Variants in CFAP300 observed in about 807,000 individuals in gnomAD.
The protein encoded by CFAP300 is cilia and flagella associated protein 300.
A neutral mutation model predicts 33.0 loss-of-function variants in CFAP300; 32 were observed. The observed-to-expected ratio is 0.97, with a 90% CI of 0.73 to 1.30. CFAP300 has a LOEUF of 1.30. CFAP300 is among the 50% of genes most tolerant of loss of function. CFAP300 has a pLI of 0.00. For synonymous variants in CFAP300, 102 were observed against 106.8 expected (o/e 0.95, Z 0.28); for missense variants, 356 against 318.1 (o/e 1.12, Z -0.90).
At chr11:102,055,127 C>T (rs569018745) in intron 2 of CFAP300, among the ~76,000 whole-genome samples, 8 of 151,384 alleles carry the variant, frequency 5.3e-5, no homozygotes, top group African/African-American at 1.5e-4. Context: ...ATTACAGGCA[C>T]GTGCCACCAC....
chr11:102,083,099 C>G lies in CFAP300; in HGVS notation c.704C>G (p.Ala235Gly). The G allele has an allele frequency of 1.3e-6, 2 of 1,526,776 alleles. No homozygotes were observed. The highest frequency in any genetic ancestry group is 1.8e-6 in the Non-Finnish European group (2 of 1,134,650). The allele number at this position is 1,526,776 out of a possible 1,614,324, so 94.6% of individuals were successfully genotyped here. A position where few individuals can be genotyped will look rare whatever the true frequency, so the allele number is the denominator to read the frequency against. The change falls in exon 7 of 7, where the codon GCA becomes GGA. Residue 235 changes from alanine to glycine, a missense_variant. Coordinates refer to ENST00000434758, the MANE Select transcript of CFAP300 (RefSeq NM_032930.3). The part of the protein sequence containing the change: ...YDSAGMCYPS[A>G]KNHEQTFSYF... ...TCTGCTGGTATGTGCTATCCTTCAG[C>G]AAAGAATCATGAACAGACATTTTCT... is the stretch of plus-strand genomic sequence containing the variant.
chr11:102,066,584 G>C lies in CFAP300; in HGVS notation c.368G>C (p.Ser123Thr), dbSNP rs1366851171. Residue 123 changes from serine (S) to threonine (T), a missense_variant, in exon 4 of 7, where the codon AGT becomes ACT. Coordinates refer to ENST00000434758, the MANE Select transcript of CFAP300 (RefSeq NM_032930.3). ...RLYDEDIVRD[S>T]GHIVKCLDSF... ...TATGATGAAGATATTGTACGAGACAGTGGACATATTGTTAAATGTTTAGAT... is the reference window on the plus strand; with the variant it reads ...TATGATGAAGATATTGTACGAGACACTGGACATATTGTTAAATGTTTAGAT... The C allele has an allele frequency of 6.2e-7, 1 of 1,611,312 alleles. No homozygotes were observed. Among genetic ancestry groups the C allele is most frequent in the Admixed American group, 1.7e-5 (1 of 59,576 alleles).
At chr11:102,049,931 A>G (rs1027253631) in intron 2 of CFAP300, among the ~76,000 whole-genome samples, 1 of 151,722 alleles carries the variant, frequency 6.6e-6, no homozygotes, top group East Asian at 1.9e-4. Context: ...CAGGAGGATC[A>G]CTTGAGCCCA....
At chr11:102,054,440 A>C (rs541209249) in intron 2 of CFAP300, among the ~76,000 whole-genome samples, 1 of 152,176 alleles carries the variant, frequency 6.6e-6, no homozygotes, top group East Asian at 1.9e-4. Flanking sequence ...AGAAGTAGAT[A>C]AGAGAAGTGA....
At chr11:102,069,634 C>G (rs1004711407) in intron 4 of CFAP300, among the ~76,000 whole-genome samples, 3 of 152,018 alleles carry the variant, frequency 2.0e-5, no homozygotes, top group Non-Finnish European at 4.4e-5. Context: ...GAAAACCAGA[C>G]TCTATTAAAA....
At chr11:102,063,566 C>T (rs116359483) in intron 3 of CFAP300, among the ~76,000 whole-genome samples, 1,640 of 152,190 alleles carry the variant, frequency 0.011, 34 homozygotes, top group African/African-American at 0.038. Context: ...GGTGGCTCAC[C>T]CCTGTAATCC....
chr11:102,068,718 C>T (rs920730649), intron 4 of CFAP300, among the ~76,000 whole-genome samples: 1 of 152,094 alleles, frequency 6.6e-6, no homozygotes, highest in Admixed American at 6.6e-5. Flanking sequence ...ACCCGGGAGG[C>T]AGAGATTGCG....
intron 3 of CFAP300, among the ~76,000 whole-genome samples, chr11:102,060,567 T>G (rs1018181877): frequency 2.6e-5 from 4 of 152,088 alleles, no homozygotes; most frequent in Admixed American, 2.6e-4. Flanking sequence ...AGAGTTAATA[T>G]AAGACTATTT....
At chr11:102,051,639 T>C (rs1183779932) in intron 2 of CFAP300, among the ~76,000 whole-genome samples, 1 of 152,210 alleles carries the variant, frequency 6.6e-6, no homozygotes, top group Non-Finnish European at 1.5e-5. Context: ...GCATGCTGGA[T>C]GTAAAAATTA....
intron 5 of CFAP300, among the ~76,000 whole-genome samples, chr11:102,078,072 T>C (rs1942423637): frequency 1.3e-5 from 2 of 151,968 alleles, no homozygotes; most frequent in Non-Finnish European, 2.9e-5. Context: ...TTCATATTTT[T>C]TGTAGAGACA....
At chr11:102,067,158 A>G (rs1294103620) in intron 4 of CFAP300, among the ~76,000 whole-genome samples, 2 of 152,070 alleles carry the variant, frequency 1.3e-5, no homozygotes, top group African/African-American at 2.4e-5. Context: ...TGGGCAACAT[A>G]GCAAAACCCT....
intron 5 of CFAP300, among the ~76,000 whole-genome samples, chr11:102,078,262 A>G (rs941389698): frequency 6.6e-6 from 1 of 152,226 alleles, no homozygotes; most frequent in African/African-American, 2.4e-5. Flanking sequence ...TAGAGTCAAT[A>G]TGGGACTGAT....
intron 3 of CFAP300, among the ~76,000 whole-genome samples, chr11:102,059,523 C>T (rs1256472036): frequency 6.6e-6 from 1 of 151,966 alleles, no homozygotes; most frequent in African/African-American, 2.4e-5. Context: ...GTGGCGAGCA[C>T]CTGTAATACT....
chr11:102,080,619 C>T (rs899161004), intron 5 of CFAP300, among the ~76,000 whole-genome samples: 5 of 152,036 alleles, frequency 3.3e-5, no homozygotes, highest in Non-Finnish European at 7.4e-5. Flanking sequence ...AGGCTGGTCT[C>T]GAACTCCCGA....
intron 2 of CFAP300, among the ~76,000 whole-genome samples, chr11:102,054,801 A>G (rs193030625): frequency 6.0e-4 from 91 of 151,958 alleles, no homozygotes; most frequent in African/African-American, 1.9e-3. Flanking sequence ...CTCAAGAGGG[A>G]AAAGTGAGTG....
Position 102,047,490 on chromosome 11 carries a change from G to C in CFAP300, c.20G>C (p.Gly7Ala). The part of the protein sequence containing the change: MATGEL[G>A]DLGGYYFRFL... The stretch of plus-strand genomic sequence containing the variant: ...AGCACGATGGCTACTGGGGAGCTCG[G>C]GGACTTGGGTGGCTACTACTTCAGG... The change falls in exon 1 of 7, where the codon GGG (glycine) becomes GCG (alanine). Residue 7 changes from glycine (G) to alanine (A), a missense_variant. Gly to Ala is a moderately conservative substitution (Grantham distance 60). Transcript: ENST00000434758. 2.0e-6 allele frequency: 3 copies of C among 1,535,892 alleles called. No individual in the cohort carries two copies. The highest frequency in any genetic ancestry group is 2.6e-6 in the Non-Finnish European group (3 of 1,146,714).
chr11:102,060,306 A>T (rs1942130929), intron 3 of CFAP300, among the ~76,000 whole-genome samples: 1 of 141,614 alleles, frequency 7.1e-6, no homozygotes, highest in South Asian at 2.2e-4. Context: ...AAGTAGTGAT[A>T]GGGTTTCGCC....
intron 5 of CFAP300, 51 bp from the exon 6 acceptor site, chr11:102,081,164 A>G (rs1942467777): frequency 7.7e-7 from 1 of 1,304,566 alleles, no homozygotes; most frequent in Non-Finnish European, 1.1e-6. Flanking sequence ...ACTTAAATGT[A>G]TATGCCAATG....
Position 102,081,235 on chromosome 11 carries a change from C to G in CFAP300, c.629C>G (p.Thr210Ser), listed in dbSNP as rs921147192. ...DLVSVRKNPQ[T>S]KKIQITSSVF... ...TTTAGTGTTCGAAAGAATCCTCAAA[C>G]CAAGAAAATACAGATTACCTCTTCT... Residue 210 changes from threonine (T) to serine (S), a missense_variant, in exon 6 of 7, where the codon ACC becomes AGC. By Grantham distance (58) the Thr-to-Ser change is moderately conservative. Transcript: ENST00000434758. 19 of 1,609,978 alleles carry G rather than the reference C, an allele frequency of 1.2e-5. No homozygotes were observed. The highest frequency in any genetic ancestry group is 1.5e-5 in the Non-Finnish European group (18 of 1,179,288).
Sources: allele counts gnomAD v4.1 joint callset (sites outside exome capture counted in the v4.1 genomes callset), GRCh38; gene constraint gnomAD v4.1.1; transcripts MANE v1.5; gene names NCBI Gene and HGNC (gene_info 2026-07-23, HGNC 2026-07-21).